Variants in CNTN4 observed in about 807,000 individuals in gnomAD.
CNTN4 encodes contactin 4.
Under a neutral mutation model 122.5 loss-of-function variants are expected in CNTN4, and 77 were observed. That is an observed-to-expected ratio of 0.63 (90% confidence interval 0.52 to 0.76). The LOEUF (loss-of-function observed/expected upper bound fraction) is 0.76, where lower values mean the gene tolerates loss of function less well. Ranked by LOEUF, CNTN4 falls within the 30% of genes least tolerant of loss-of-function variation. CNTN4 has a pLI of 0.00. For synonymous variants in CNTN4, 512 were observed against 447.0 expected, an observed-to-expected ratio of 1.15 and a Z score of -1.83; for missense variants, 1,256 against 1,259.1, an observed-to-expected ratio of 1.00 and a Z score of 0.04.
chr3:2,845,948 G>A (rs1160259653), intron 7 of CNTN4, among the ~76,000 whole-genome samples: 1 of 152,066 alleles, frequency 6.6e-6, no homozygotes, highest in Non-Finnish European at 1.5e-5. Context: ...TTAATTAATG[G>A]CATCTGAATT....
intron 3 of CNTN4, among the ~76,000 whole-genome samples, chr3:2,504,092 A>G (rs1329681155): frequency 6.6e-6 from 1 of 152,140 alleles, no homozygotes; most frequent in East Asian, 1.9e-4. Context: ...TGGTACAAGT[A>G]AAGTGTCTGG....
chr3:2,824,386 G>A (rs1405974733), intron 7 of CNTN4, among the ~76,000 whole-genome samples: 3 of 152,092 alleles, frequency 2.0e-5, no homozygotes, highest in African/African-American at 7.2e-5. Flanking sequence ...GAACTCAGGA[G>A]GTGGAGGTTG....
intron 3 of CNTN4, among the ~76,000 whole-genome samples, chr3:2,359,377 G>A (rs1339221900): frequency 3.3e-5 from 5 of 152,084 alleles, no homozygotes; most frequent in Non-Finnish European, 5.9e-5. Context: ...TTCCTATCTG[G>A]AATTGGTCTT....
At chr3:2,483,927 A>C (rs2076075244) in intron 3 of CNTN4, among the ~76,000 whole-genome samples, 1 of 152,238 alleles carries the variant, frequency 6.6e-6, no homozygotes, top group African/African-American at 2.4e-5. Context: ...CATCAAAGGC[A>C]AGATCTATGA....
At chr3:2,950,369 A>C (rs2094726665) in intron 13 of CNTN4, among the ~76,000 whole-genome samples, 1 of 152,168 alleles carries the variant, frequency 6.6e-6, no homozygotes, top group African/African-American at 2.4e-5. Flanking sequence ...GCTGAAGGAG[A>C]TTTGGACAAT....
At chr3:2,969,283 C>G (rs1349431456) in intron 13 of CNTN4, among the ~76,000 whole-genome samples, 1 of 152,174 alleles carries the variant, frequency 6.6e-6, no homozygotes, top group South Asian at 2.1e-4. Flanking sequence ...ACATATACCT[C>G]TTTTCCAGTT....
intron 3 of CNTN4, among the ~76,000 whole-genome samples, chr3:2,518,215 A>ATGTT (rs2077093830): frequency 6.6e-6 from 1 of 150,742 alleles, no homozygotes; most frequent in Non-Finnish European, 1.5e-5. Flanking sequence ...TTAGGTTAAT[A>ATGTT]TGTGTGTGTG....
intron 2 of CNTN4, among the ~76,000 whole-genome samples, chr3:2,331,869 T>C (rs978381624): frequency 6.6e-6 from 1 of 152,202 alleles, no homozygotes; most frequent in Admixed American, 6.5e-5. Context: ...ATTGTAGTTT[T>C]CCTGCCCAGT....
chr3:2,924,988 CAATTTT>C (rs2094459841), intron 12 of CNTN4, among the ~76,000 whole-genome samples: 1 of 152,018 alleles, frequency 6.6e-6, no homozygotes, highest in Admixed American at 6.6e-5. Flanking sequence ...CTTTCCCTTT[CAATTTT>C]CTGAAATTTT....
chr3:2,224,611 T>G (rs915924730), intron 2 of CNTN4, among the ~76,000 whole-genome samples: 2 of 152,118 alleles, frequency 1.3e-5, no homozygotes, highest in Non-Finnish European at 2.9e-5. Flanking sequence ...TGAGTAGAGG[T>G]CTGGTCTTGG....
intron 2 of CNTN4, among the ~76,000 whole-genome samples, chr3:2,181,847 G>A (rs1440572759): frequency 6.6e-6 from 1 of 152,048 alleles, no homozygotes; most frequent in East Asian, 1.9e-4. Flanking sequence ...GAGTTTTGGT[G>A]GTATGATAGT....
At chr3:2,533,043 G>C (rs543351681) in intron 3 of CNTN4, among the ~76,000 whole-genome samples, 1 of 151,782 alleles carries the variant, frequency 6.6e-6, no homozygotes, top group South Asian at 2.1e-4. Flanking sequence ...TTTCATTATT[G>C]ACTTTCTTTA....
chr3:2,166,490 A>G (rs1216790308), intron 2 of CNTN4, among the ~76,000 whole-genome samples: 7 of 152,076 alleles, frequency 4.6e-5, no homozygotes, highest in African/African-American at 1.4e-4. Context: ...CTGACAGCCA[A>G]ATTTGGTAAC....
chr3:2,389,260 ACG>A (rs2046359319), intron 3 of CNTN4, among the ~76,000 whole-genome samples: 4 of 114,790 alleles, frequency 3.5e-5, no homozygotes, highest in South Asian at 2.7e-4. Context: ...ATCTATCTTC[ACG>A]TGGCTGCAGC....
At chr3:2,958,288 G>C (rs2094820554) in intron 13 of CNTN4, among the ~76,000 whole-genome samples, 1 of 152,098 alleles carries the variant, frequency 6.6e-6, no homozygotes, top group South Asian at 2.1e-4. Context: ...ATTAATAAGT[G>C]AGCACCCCAT....
intron 3 of CNTN4, among the ~76,000 whole-genome samples, chr3:2,509,357 A>G (rs1463351089): frequency 2.6e-5 from 4 of 152,238 alleles, no homozygotes; most frequent in African/African-American, 9.6e-5. Context: ...AAATGTAATA[A>G]TATCTGAAGA....
At chr3:2,491,789 A>C (rs976753365) in intron 3 of CNTN4, among the ~76,000 whole-genome samples, 14 of 152,188 alleles carry the variant, frequency 9.2e-5, no homozygotes, top group African/African-American at 3.4e-4. Context: ...CTTCAGTAAA[A>C]CTAGAAATCG....
At chr3:2,239,233 G>C (rs756939236) in intron 2 of CNTN4, among the ~76,000 whole-genome samples, 3 of 151,960 alleles carry the variant, frequency 2.0e-5, no homozygotes, top group African/African-American at 7.3e-5. Flanking sequence ...ATTTGGTTAC[G>C]CAGTTGCCGA....
intron 22 of CNTN4, 70 bp downstream of exon 22, chr3:3,043,233 C>T (rs1700324865): frequency 7.2e-7 from 1 of 1,396,986 alleles, no homozygotes; most frequent in African/African-American, 1.4e-5. Context: ...TCCTTATCCC[C>T]ACCTCCCAAT....
Sources: allele counts gnomAD v4.1 joint callset (sites outside exome capture counted in the v4.1 genomes callset), GRCh38; gene constraint gnomAD v4.1.1; transcripts MANE v1.5; gene names NCBI Gene and HGNC (gene_info 2026-07-23, HGNC 2026-07-21).